GAN: variants seen among roughly 807,000 people sequenced by gnomAD.
The protein encoded by GAN is gigaxonin, also known as epididymis secretory sperm binding protein.
In GAN, 48 loss-of-function variants were observed where a neutral mutation model predicts 71.3. The observed-to-expected ratio is 0.67, with a 90% confidence interval of 0.53 to 0.86. The LOEUF (loss-of-function observed/expected upper bound fraction) is 0.86. GAN is among the 40% of genes least tolerant of loss of function. The probability of loss-of-function intolerance (pLI) is 0.00; values close to 1 mark genes in which losing one functional copy is unlikely to be tolerated. For synonymous variants in GAN, 386 were observed against 276.8 expected, an observed-to-expected ratio of 1.39 and a Z score of -3.92; for missense variants, 928 against 770.1, an observed-to-expected ratio of 1.21 and a Z score of -2.43.
At chr16:81,333,131 A>G (rs1184314548) in intron 1 of GAN, among the ~76,000 whole-genome samples, 2 of 151,900 alleles carry the variant, frequency 1.3e-5, no homozygotes, top group East Asian at 3.9e-4. Context: ...AGTCTCAGCT[A>G]CTTGGGAGGC....
intron 9 of GAN, among the ~76,000 whole-genome samples, chr16:81,375,936 C>T (rs930499916): frequency 1.3e-5 from 2 of 149,516 alleles, no homozygotes; most frequent in Non-Finnish European, 3.0e-5. Flanking sequence ...CACCACTGCA[C>T]TCCAGCCTGG....
At chr16:81,342,192 T>C (rs980528691) in intron 1 of GAN, among the ~76,000 whole-genome samples, 1 of 152,206 alleles carries the variant, frequency 6.6e-6, no homozygotes, top group Non-Finnish European at 1.5e-5. Flanking sequence ...TGGGAGACTT[T>C]AACACCCCAC....
At chr16:81,340,016 T>C (rs1909889028) in intron 1 of GAN, among the ~76,000 whole-genome samples, 1 of 152,238 alleles carries the variant, frequency 6.6e-6, no homozygotes, top group Non-Finnish European at 1.5e-5. Context: ...TCCATGCTCG[T>C]ATTTCAGGAA....
At chr16:81,346,590 G>A (rs1011913637) in intron 1 of GAN, among the ~76,000 whole-genome samples, 3 of 152,254 alleles carry the variant, frequency 2.0e-5, no homozygotes, top group African/African-American at 4.8e-5. Flanking sequence ...ATGATCTGAG[G>A]TGGAACAGTT....
intron 1 of GAN, among the ~76,000 whole-genome samples, chr16:81,325,609 A>C (rs1314980894): frequency 1.3e-5 from 2 of 152,230 alleles, no homozygotes; most frequent in African/African-American, 4.8e-5. Context: ...AGGGATGAAC[A>C]TGGAGCTACT....
At position 81,315,068 on chromosome 16, in the gene GAN, G is replaced by T. The variant is rs1309910664; in HGVS notation, c.-46G>T. 1.4e-6 allele frequency: 2 copies of T among 1,420,568 alleles called. No individual in the cohort carries two copies. The highest frequency in any genetic ancestry group is 3.0e-5 in the African/African-American group (2 of 67,086). The allele number at this position is 1,420,568 out of a possible 1,614,324, so 88.0% of individuals were successfully genotyped here. A position where few individuals can be genotyped will look rare whatever the true frequency, so the allele number is the denominator to read the frequency against. On this transcript the variant is annotated 5_prime_UTR_variant, in exon 1 of 11. Coordinates refer to ENST00000648994, the MANE Select transcript of GAN (RefSeq NM_022041.4). ...TCGGGCCGCTCGAGGGGTCCGGCCG[G>T]ACGGTGTCGGGAGCCGGACCCGTCG...
intron 9 of GAN, among the ~76,000 whole-genome samples, chr16:81,376,618 GTA>G (rs1226256166): frequency 6.7e-6 from 1 of 149,200 alleles, no homozygotes; most frequent in Non-Finnish European, 1.5e-5. Flanking sequence ...GTATGTATAT[GTA>G]TATATACATA....
chr16:81,325,715 G>A (rs1411238645), intron 1 of GAN, among the ~76,000 whole-genome samples: 7 of 152,176 alleles, frequency 4.6e-5, no homozygotes, highest in Non-Finnish European at 4.4e-5. Context: ...GATGCTAATT[G>A]AACATGAGAA....
chr16:81,316,179 A>G (rs1909032921), intron 1 of GAN, among the ~76,000 whole-genome samples: 1 of 152,136 alleles, frequency 6.6e-6, no homozygotes, highest in Admixed American at 6.5e-5. Context: ...CTTGCAAACT[A>G]GGTTGCTGTT....
Position 81,378,510 on chromosome 16 carries a change from A to G in GAN, c.*914A>G, listed in dbSNP as rs1461332937. 6.6e-6 allele frequency: 1 copy of G among 152,264 alleles called. No homozygotes were observed. Among genetic ancestry groups the G allele is most frequent in the Non-Finnish European group, 1.5e-5 (1 of 68,042 alleles). The allele number at this position is 152,264 out of a possible 1,614,324, so 9.4% of individuals were successfully genotyped here. The stretch of plus-strand genomic sequence containing the variant: ...TGCTGTGGCTAAAAAAGCAAAAACA[A>G]AAAAGCTATCCAGACAAAATACATA... On this transcript the variant is annotated 3_prime_UTR_variant, in exon 11 of 11. Coordinates refer to ENST00000648994, the MANE Select transcript of GAN (RefSeq NM_022041.4).
At chr16:81,353,242 A>T (rs983400278) in intron 2 of GAN, among the ~76,000 whole-genome samples, 6 of 147,954 alleles carry the variant, frequency 4.1e-5, no homozygotes, top group Non-Finnish European at 8.9e-5. Context: ...CAGTGAGCCG[A>T]GATTGCGCCA....
chr16:81,340,913 G>A (rs1909920502), intron 1 of GAN, among the ~76,000 whole-genome samples: 1 of 151,924 alleles, frequency 6.6e-6, no homozygotes, highest in African/African-American at 2.4e-5. Context: ...TAGACAAATG[G>A]CTAACTAGAA....
chr16:81,324,314 A>G (rs1280507771), intron 1 of GAN, among the ~76,000 whole-genome samples: 1 of 152,094 alleles, frequency 6.6e-6, no homozygotes, highest in African/African-American at 2.4e-5. Context: ...CTAATTACAG[A>G]GCCATATGAG....
rs750064710 is a variant in GAN, at chr16:81,386,883, T to A, written c.*9287T>A. 1 of 152,250 alleles carries A rather than the reference T, an allele frequency of 6.6e-6. No homozygotes were observed. The highest frequency in any genetic ancestry group is 2.4e-5 in the African/African-American group (1 of 41,422). 9.4% of individuals were successfully genotyped at this position (152,250 alleles called of 1,614,324 possible). A position where few individuals can be genotyped will look rare whatever the true frequency, so the allele number is the denominator to read the frequency against. ...ATCTCTTGAACCCAGGAGGCGGAGGTTGCGGTGAGCCGAGATGGTGCCGTT... is the reference window on the plus strand; with the variant it reads ...ATCTCTTGAACCCAGGAGGCGGAGGATGCGGTGAGCCGAGATGGTGCCGTT... On this transcript the variant is annotated 3_prime_UTR_variant, in exon 11 of 11. Coordinates refer to ENST00000648994, the MANE Select transcript of GAN (RefSeq NM_022041.4).
intron 9 of GAN, among the ~76,000 whole-genome samples, chr16:81,370,767 G>T (rs1911013258): frequency 6.6e-6 from 1 of 152,218 alleles, no homozygotes; most frequent in South Asian, 2.1e-4. Flanking sequence ...TCTACACTGG[G>T]TTCATTTCTC....
intron 5 of GAN, among the ~76,000 whole-genome samples, chr16:81,361,393 A>C (rs1597405137): frequency 9.2e-6 from 1 of 109,060 alleles, no homozygotes; most frequent in Non-Finnish European, 1.7e-5. Context: ...CTGTAAGTTA[A>C]GTTCAAGGCT....
intron 9 of GAN, 121 bp from the exon 10 acceptor site, chr16:81,377,098 G>A: frequency 1.3e-6 from 1 of 779,508 alleles, no homozygotes; most frequent in Non-Finnish European, 2.4e-6. Context: ...GGAACGTGGG[G>A]TCGAGATTGG....
chr16:81,328,878 C>A (rs1300207506), intron 1 of GAN, among the ~76,000 whole-genome samples: 1 of 152,152 alleles, frequency 6.6e-6, no homozygotes, highest in African/African-American at 2.4e-5. Flanking sequence ...GTCTTGGTCA[C>A]ATATTCTTCT....
chr16:81,336,749 A>G (rs1033084257), intron 1 of GAN, among the ~76,000 whole-genome samples: 3 of 151,662 alleles, frequency 2.0e-5, no homozygotes, highest in African/African-American at 7.3e-5. Flanking sequence ...AAGTGTTGGG[A>G]TTGTAGGTGT....
Sources: gnomAD v4.1 joint callset for allele counts (sites outside exome capture counted in the v4.1 genomes callset) on GRCh38, gnomAD v4.1.1 for gene constraint, MANE v1.5 for transcripts, NCBI Gene and HGNC (gene_info 2026-07-23, HGNC 2026-07-21) for gene names.